Variants in SLCO2B1 observed in about 807,000 individuals in gnomAD.
SLCO2B1 encodes solute carrier organic anion transporter family member 2B1, also known as OATP-RP2.
A neutral mutation model predicts 67.3 loss-of-function variants in SLCO2B1; 41 were observed. The ratio of observed to expected loss-of-function variants is 0.61; its 90% confidence interval spans 0.47 to 0.79. The LOEUF is 0.79. Among genes scored for constraint, SLCO2B1 ranks in the 30% least tolerant of loss-of-function variants. SLCO2B1 has a pLI of 0.00. For synonymous variants in SLCO2B1, 379 were observed against 381.4 expected (o/e 0.99, Z 0.07); for missense variants, 837 against 920.1 (o/e 0.91, Z 1.17).
chr11:75,153,303 C>T (rs1949712945), intron 1 of SLCO2B1, among the ~76,000 whole-genome samples: 1 of 152,226 alleles, frequency 6.6e-6, no homozygotes, highest in Non-Finnish European at 1.5e-5. Flanking sequence ...CTTCCTCTCT[C>T]CAGCCCAACT....
At chr11:75,182,732 G>A (rs575616267) in intron 7 of SLCO2B1, among the ~76,000 whole-genome samples, 1 of 151,568 alleles carries the variant, frequency 6.6e-6, no homozygotes, top group Non-Finnish European at 1.5e-5. Flanking sequence ...ACACAGCAAG[G>A]CTCTGTTAAA....
chr11:75,200,356 A>C lies in SLCO2B1; in HGVS notation c.1732A>C (p.Thr578Pro), dbSNP rs1184429179. The C allele has an allele frequency of 3.1e-6, 5 of 1,610,024 alleles. No homozygotes were observed. The highest frequency in any genetic ancestry group is 3.4e-6 in the Non-Finnish European group (4 of 1,178,084). The change falls in exon 11 of 14, where the codon ACC becomes CCC. Residue 578 changes from threonine to proline, a missense_variant. Coordinates refer to ENST00000289575, the MANE Select transcript of SLCO2B1 (RefSeq NM_007256.5). ...VSLGSALACL[T>P]HTPSFMLILR... ...CCTGGGCTCGGCCCTGGCCTGTCTC[A>C]CCCACACACCCTCCTTCATGCTCAT... is the stretch of plus-strand genomic sequence containing the variant.
chr11:75,167,031 A>G (rs2851109), intron 4 of SLCO2B1, among the ~76,000 whole-genome samples: 65,705 of 152,084 alleles, frequency 0.43, 16,819 homozygotes, highest in Non-Finnish European at 0.58. Flanking sequence ...CAACTCTGCT[A>G]CAAGGTATAG....
intron 1 of SLCO2B1, among the ~76,000 whole-genome samples, chr11:75,155,479 C>T (rs758673998): frequency 5.9e-5 from 9 of 152,142 alleles, no homozygotes; most frequent in East Asian, 3.9e-4. Flanking sequence ...TTTATTGAGA[C>T]GGAGTTTCAC....
At chr11:75,151,472 C>T in intron 1 of SLCO2B1, 75 bp downstream of exon 1, 3 of 1,531,770 alleles carry the variant, frequency 2.0e-6, no homozygotes. Context: ...AAGGGTGAGG[C>T]CGTAGAGCCA....
chr11:75,154,146 G>A (rs548960775), intron 1 of SLCO2B1, among the ~76,000 whole-genome samples: 3 of 150,482 alleles, frequency 2.0e-5, no homozygotes, highest in East Asian at 2.0e-4. Flanking sequence ...GGCTGGTCTC[G>A]AACTCCTGAC....
At chr11:75,203,205 G>A (rs776202957) in intron 12 of SLCO2B1, 102 bp from the exon 13 acceptor site, 45 of 1,495,872 alleles carry the variant, frequency 3.0e-5, no homozygotes, top group Non-Finnish European at 4.0e-5. Flanking sequence ...AGACAGCCAA[G>A]AGGCCCCAGT....
rs115468611 is a variant in SLCO2B1 at position 75,153,383 on chromosome 11, A to G, written c.16+1986A>G. Among the ~76,000 whole-genome samples, 403 of 152,344 alleles carry G rather than the reference A, an allele frequency of 2.6e-3. 2 individuals carry two copies. The highest frequency in any genetic ancestry group is 9.4e-3 in the African/African-American group (391 of 41,574). ...GAAAGAACCAGCAGTCCCAGGTTCA[A>G]ATTCCAGCACTGCATCACTGGCTTT... On this transcript the variant is annotated intron_variant, in intron 1 of 13. Transcript: ENST00000289575.
At chr11:75,163,802 G>A (rs1202329489) in intron 2 of SLCO2B1, among the ~76,000 whole-genome samples, 161 bp from the exon 3 acceptor site, 2 of 150,548 alleles carry the variant, frequency 1.3e-5, no homozygotes, top group East Asian at 1.9e-4. Context: ...GTCTCCTTTG[G>A]TCTCTCTCTG....
At chr11:75,170,247 G>A (rs958463073) in intron 6 of SLCO2B1, among the ~76,000 whole-genome samples, 1 of 152,132 alleles carries the variant, frequency 6.6e-6, no homozygotes, top group Non-Finnish European at 1.5e-5. Flanking sequence ...TATTACCCTG[G>A]GCCTCTCTCA....
At chr11:75,165,085 C>G (rs1191060012) in intron 3 of SLCO2B1, among the ~76,000 whole-genome samples, 2 of 152,174 alleles carry the variant, frequency 1.3e-5, no homozygotes, top group Admixed American at 6.5e-5. Context: ...CCTGCATGCA[C>G]TGAAGTCACC....
At chr11:75,177,916 G>A (rs953763583) in intron 7 of SLCO2B1, among the ~76,000 whole-genome samples, 2 of 151,924 alleles carry the variant, frequency 1.3e-5, no homozygotes, top group Admixed American at 6.6e-5. Context: ...ACCAAATGGT[G>A]AAACCCGTCT....
chr11:75,155,492 T>C (rs750605828), intron 1 of SLCO2B1, among the ~76,000 whole-genome samples: 1 of 152,216 alleles, frequency 6.6e-6, no homozygotes, highest in Non-Finnish European at 1.5e-5. Context: ...AGTTTCACTC[T>C]TGTTGCCTAG....
chr11:75,195,158 C>T (rs1945081733), intron 9 of SLCO2B1, among the ~76,000 whole-genome samples: 1 of 152,186 alleles, frequency 6.6e-6, no homozygotes, highest in Non-Finnish European at 1.5e-5. Context: ...CAGGGTAGAG[C>T]CTGGAGCCAG....
chr11:75,197,435 G>A (rs1362458564), intron 10 of SLCO2B1, among the ~76,000 whole-genome samples: 1 of 152,270 alleles, frequency 6.6e-6, no homozygotes, highest in East Asian at 1.9e-4. Flanking sequence ...GCGCTCAGCA[G>A]AGATTTGAAG....
intron 7 of SLCO2B1, among the ~76,000 whole-genome samples, chr11:75,173,551 T>C (rs1042717940): frequency 2.0e-5 from 3 of 152,104 alleles, no homozygotes; most frequent in Non-Finnish European, 4.4e-5. Context: ...CAGGGGTATC[T>C]AGAATCCTCC....
intron 3 of SLCO2B1, among the ~76,000 whole-genome samples, chr11:75,164,966 A>G (rs1327501949): frequency 3.3e-5 from 5 of 152,048 alleles, no homozygotes; most frequent in African/African-American, 9.7e-5. Context: ...CCCTGCTGAT[A>G]CTGATCCACT....
chr11:75,169,280 C>A lies in SLCO2B1; in HGVS notation c.556C>A (p.Leu186Met). ...CTCAAGCTACACAGAAACCCAGCATCTGAGTGTGGTGGGGATCATGTTCGT... is the reference window on the plus strand; with the variant it reads ...CTCAAGCTACACAGAAACCCAGCATATGAGTGTGGTGGGGATCATGTTCGT... ...NCSSYTETQH[L>M]SVVGIMFVAQ... Residue 186 changes from leucine to methionine, a missense_variant, in exon 5 of 14, where the codon CTG becomes ATG. By Grantham distance (15) the Leu-to-Met change is conservative. Coordinates refer to ENST00000289575, the MANE Select transcript of SLCO2B1 (RefSeq NM_007256.5). 6.2e-7 allele frequency: 1 copy of A among 1,614,214 alleles called. No individual in the cohort carries two copies. The highest frequency in any genetic ancestry group is 8.5e-7 in the Non-Finnish European group (1 of 1,180,038).
intron 7 of SLCO2B1, among the ~76,000 whole-genome samples, chr11:75,179,386 C>T (rs1347732030): frequency 6.6e-6 from 1 of 151,810 alleles, no homozygotes; most frequent in African/African-American, 2.4e-5. Flanking sequence ...TGCCCGCCAC[C>T]ATACCCAGCT....
Sources: gnomAD v4.1 joint callset for allele counts (sites outside exome capture counted in the v4.1 genomes callset) on GRCh38, gnomAD v4.1.1 for gene constraint, MANE v1.5 for transcripts, NCBI Gene and HGNC (gene_info 2026-07-23, HGNC 2026-07-21) for gene names.